The following WDFY2 variants were observed in gnomAD, a reference collection of about 807,000 sequenced individuals.
WDFY2 encodes the protein WD repeat and FYVE domain containing 2.
Under a neutral mutation model 56.4 loss-of-function variants are expected in WDFY2, and 36 were observed. The ratio of observed to expected loss-of-function variants is 0.64; its 90% CI spans 0.49 to 0.84. The LOEUF (loss-of-function observed/expected upper bound fraction) is 0.84. Among genes scored for constraint, WDFY2 ranks in the 40% least tolerant of loss-of-function variants. The probability of loss-of-function intolerance (pLI) is 0.00; values close to 1 mark genes in which losing one functional copy is unlikely to be tolerated. For missense variants in WDFY2, 444 were observed against 512.2 expected, an observed-to-expected ratio of 0.87 and a Z score of 1.29; for synonymous variants, 176 against 183.7, an observed-to-expected ratio of 0.96 and a Z score of 0.34.
At chr13:51,696,656 C>T (rs1206366914) in intron 3 of WDFY2, among the ~76,000 whole-genome samples, 7 of 152,126 alleles carry the variant, frequency 4.6e-5, no homozygotes, top group African/African-American at 1.7e-4. Flanking sequence ...TTAATTCGCA[C>T]CTCTTGTCTT....
chr13:51,667,879 CTTTTTTTTTTTT>C (rs66771214), intron 2 of WDFY2, among the ~76,000 whole-genome samples: 87 of 50,046 alleles, frequency 1.7e-3, no homozygotes, highest in Middle Eastern at 0.018. Context: ...TGAGGAACTT[CTTTTTTTTTTTT>C]TTTTTTTTTT....
chr13:51,590,984 T>C (rs1182623114), intron 1 of WDFY2: 2 of 152,298 alleles, frequency 1.3e-5, no homozygotes, highest in East Asian at 3.9e-4. Context: ...TGGTCTCCTG[T>C]GCCTTTAATT....
intron 8 of WDFY2, among the ~76,000 whole-genome samples, chr13:51,753,708 G>C (rs549160524): frequency 3.7e-4 from 56 of 152,174 alleles, no homozygotes; most frequent in African/African-American, 1.2e-3. Flanking sequence ...ACTGTGATGT[G>C]TTTGATGTGT....
Position 51,670,489 on chromosome 13 carries a change from GCACACACACACACACACACACACACA to G in WDFY2, c.206-4658_206-4633del, listed in dbSNP as rs55984632. Among the ~76,000 whole-genome samples, 713 of 131,494 alleles carry G rather than the reference GCACACACACACACACACACACACACA, an allele frequency of 5.4e-3. 5 individuals are homozygous for G. Among genetic ancestry groups the G allele is most frequent in the African/African-American group, 0.016 (556 of 34,674 alleles). The allele number at this position is 131,494 out of a possible 152,430, so 86.3% of individuals were successfully genotyped here. On this transcript the variant is annotated intron_variant, in intron 2 of 11. Transcript: ENST00000298125. ...TACGTCTCACCTACTGTGCGCACAT[GCACACACACACACACACACACACACA>G]CACACACACACACACACACACAGAT...
chr13:51,738,961 C>T, intron 6 of WDFY2, 88 bp from the exon 7 acceptor site: 1 of 1,347,350 alleles, frequency 7.4e-7, no homozygotes, highest in Non-Finnish European at 9.7e-7. Context: ...AGGAACTGCA[C>T]TAGGTTCTGT....
At chr13:51,610,960 C>G (rs1482792479) in intron 1 of WDFY2, among the ~76,000 whole-genome samples, 1 of 152,124 alleles carries the variant, frequency 6.6e-6, no homozygotes, top group Non-Finnish European at 1.5e-5. Flanking sequence ...CCCCTAGATT[C>G]ATGATTTTAT....
At chr13:51,727,354 G>A (rs1369897917) in intron 5 of WDFY2, among the ~76,000 whole-genome samples, 1 of 152,060 alleles carries the variant, frequency 6.6e-6, no homozygotes, top group African/African-American at 2.4e-5. Flanking sequence ...TATTTTCAGA[G>A]TATTCTTGGC....
intron 6 of WDFY2, among the ~76,000 whole-genome samples, chr13:51,728,602 A>G (rs887684575): frequency 2.0e-5 from 3 of 152,208 alleles, no homozygotes; most frequent in African/African-American, 7.2e-5. Context: ...AGTAGGGGAA[A>G]GAGGATGTAA....
chr13:51,637,225 G>T (rs1168808090), intron 1 of WDFY2, among the ~76,000 whole-genome samples: 1 of 152,286 alleles, frequency 6.6e-6, no homozygotes, highest in East Asian at 1.9e-4. Context: ...GCAAGTTCAT[G>T]CAAAAGGTTT....
At position 51,722,433 on chromosome 13, in the gene WDFY2, G is replaced by T. The variant is rs557819305; in HGVS notation, c.485+3085G>T. ...CTTTGATTGTTTTGACCGAAGATCT[G>T]AAGCTTCAAATATAAATGACCTGTA... On this transcript the variant is annotated intron_variant, in intron 5 of 11. Transcript: ENST00000298125. Among the ~76,000 whole-genome samples the T allele has an allele frequency of 2.0e-5, 3 of 152,214 alleles. No homozygotes were observed. In the East Asian group the frequency reaches 5.8e-4, roughly 29 times the overall value.
chr13:51,595,297 G>A (rs1405098080), intron 1 of WDFY2, among the ~76,000 whole-genome samples: 1 of 152,148 alleles, frequency 6.6e-6, no homozygotes, highest in Non-Finnish European at 1.5e-5. Context: ...GTTCTTAACC[G>A]GAAGCTTAGG....
In WDFY2 at chr13:51,622,286, C is replaced by T. The variant is rs536445162; in HGVS notation, c.137+37462C>T. 3.3e-5 allele frequency among the ~76,000 whole-genome samples: 5 copies of T among 152,170 alleles called. No individual in the cohort carries two copies. In the South Asian group the frequency reaches 1.0e-3, roughly 32 times the overall value. ...TGACATTCCTCTCTCTCCCCCCCTCCTTTTTTTTGAGTCCCTTCTCCTTTA... is the reference window on the plus strand; with the variant it reads ...TGACATTCCTCTCTCTCCCCCCCTCTTTTTTTTTGAGTCCCTTCTCCTTTA... On this transcript the variant is annotated intron_variant, in intron 1 of 11. Transcript: ENST00000298125.
intron 1 of WDFY2, among the ~76,000 whole-genome samples, chr13:51,606,198 G>A (rs1954382384): frequency 6.6e-6 from 1 of 152,174 alleles, no homozygotes; most frequent in Admixed American, 6.5e-5. Context: ...AGGATTTTTA[G>A]ATATTACAGA....
intron 1 of WDFY2, among the ~76,000 whole-genome samples, chr13:51,619,449 A>T (rs1302111545): frequency 1.3e-5 from 2 of 152,080 alleles, no homozygotes; most frequent in African/African-American, 2.4e-5. Context: ...AAAAAAAACA[A>T]AAAACAAAAA....
rs529352605 is a variant in WDFY2, at chr13:51,611,859, C to T, written c.137+27035C>T. On this transcript the variant is annotated intron_variant, in intron 1 of 11. Coordinates refer to ENST00000298125, the MANE Select transcript of WDFY2 (RefSeq NM_052950.4). Reference sequence around the variant, plus strand: ...TGGGAAGAAATACACAGGAATGATCCCTGTTTTTCTGCTGCCTGTTGTCAT... The same window carrying T: ...TGGGAAGAAATACACAGGAATGATCTCTGTTTTTCTGCTGCCTGTTGTCAT... 8.5e-5 allele frequency among the ~76,000 whole-genome samples: 13 copies of T among 152,120 alleles called. No individual in the cohort carries two copies. The South Asian group carries it at 1.2e-3, about 15-fold the overall frequency.
chr13:51,691,554 A>G lies in WDFY2; in HGVS notation c.280-12042A>G, dbSNP rs1317654191. ...GGGCTCTGTTCCGTTCCATTGATCT[A>G]TATCTCTGTTTTGGTACCAGTACCA... On this transcript the variant is annotated intron_variant, in intron 3 of 11. Transcript: ENST00000298125. 5.3e-5 allele frequency among the ~76,000 whole-genome samples: 8 copies of G among 151,958 alleles called. No homozygotes were observed. The East Asian group carries it at 1.2e-3, about 22-fold the overall frequency.
intron 1 of WDFY2, among the ~76,000 whole-genome samples, chr13:51,654,233 G>A (rs569319244): frequency 1.0e-3 from 155 of 152,314 alleles, no homozygotes; most frequent in Non-Finnish European, 1.4e-3. Context: ...CTAGTGTGCC[G>A]TTTGCTAAGA....
At chr13:51,747,454 G>A (rs772953030) in intron 7 of WDFY2, among the ~76,000 whole-genome samples, 1 of 152,184 alleles carries the variant, frequency 6.6e-6, no homozygotes, top group South Asian at 2.1e-4. Context: ...GATCTCTTCC[G>A]ATCTGACAGT....
intron 1 of WDFY2, chr13:51,590,278 T>G (rs902223909): frequency 6.6e-6 from 1 of 152,216 alleles, no homozygotes; most frequent in African/African-American, 2.4e-5. Context: ...TAAACTTACT[T>G]TGAAAAAGGA....
Sources: gnomAD v4.1 joint callset for allele counts (sites outside exome capture counted in the v4.1 genomes callset) on GRCh38, gnomAD v4.1.1 for gene constraint, MANE v1.5 for transcripts, NCBI Gene and HGNC (gene_info 2026-07-23, HGNC 2026-07-21) for gene names.